The following CNTN4 variants were observed in gnomAD, a reference collection of about 807,000 sequenced individuals.
CNTN4 encodes contactin-4.
CNTN4 carries 77 observed loss-of-function variants against 122.5 expected under a neutral mutation model. The ratio of observed to expected loss-of-function variants is 0.63; its 90% CI spans 0.52 to 0.76. The LOEUF is 0.76. Among genes scored for constraint, CNTN4 ranks in the 30% least tolerant of loss-of-function variants. The pLI, the probability that CNTN4 is intolerant of heterozygous loss-of-function variation, is 0.00. For missense variants in CNTN4, 1,256 were observed against 1,259.1 expected (o/e 1.00, Z 0.04); for synonymous variants, 512 against 447.0 (o/e 1.15, Z -1.83).
intron 2 of CNTN4, among the ~76,000 whole-genome samples, chr3:2,165,793 T>G (rs2036169832): frequency 6.6e-6 from 1 of 152,172 alleles, no homozygotes; most frequent in South Asian, 2.1e-4. Flanking sequence ...GTATTTTTCT[T>G]TCTGTGCCTG....
At chr3:2,840,595 A>G (rs1305187479) in intron 7 of CNTN4, among the ~76,000 whole-genome samples, 1 of 96,318 alleles carries the variant, frequency 1.0e-5, no homozygotes, top group African/African-American at 3.1e-5. Context: ...GCTACTCGGG[A>G]GGCTGAGGCG....
At chr3:2,299,386 T>TGAATTCA (rs1258575573) in intron 2 of CNTN4, among the ~76,000 whole-genome samples, 1 of 152,084 alleles carries the variant, frequency 6.6e-6, no homozygotes, top group Non-Finnish European at 1.5e-5. Flanking sequence ...AATTATATAG[T>TGAATTCA]TGTGAATTTT....
intron 12 of CNTN4, among the ~76,000 whole-genome samples, chr3:2,905,503 T>G (rs2094220089): frequency 6.6e-6 from 1 of 152,198 alleles, no homozygotes; most frequent in Admixed American, 6.5e-5. Context: ...TTCACCCTTA[T>G]GAAGGGCTTC....
rs1171980374 is a variant in CNTN4, at chr3:2,879,970, G to A, written c.653-3175G>A. Among the ~76,000 whole-genome samples the A allele has an allele frequency of 4.6e-5, 7 of 152,306 alleles. No homozygotes were observed. The East Asian group carries it at 1.3e-3, about 29-fold the overall frequency. On this transcript the variant is annotated intron_variant, in intron 8 of 24. Coordinates refer to ENST00000418658, the MANE Select transcript of CNTN4 (RefSeq NM_175607.3). ...GCTAGAGAGTAGGGCCTACAGAGGA[G>A]AGGGAAAGGCAGGCAGTAAGTAGGT... is the stretch of plus-strand genomic sequence containing the variant.
chr3:2,422,765 T>C (rs895428026), intron 3 of CNTN4, among the ~76,000 whole-genome samples: 1 of 152,234 alleles, frequency 6.6e-6, no homozygotes, highest in African/African-American at 2.4e-5. Flanking sequence ...GCTGCTGATA[T>C]TCTGTTTCCC....
chr3:2,755,670 C>T (rs2090302495), intron 6 of CNTN4, among the ~76,000 whole-genome samples: 1 of 152,088 alleles, frequency 6.6e-6, no homozygotes, highest in Non-Finnish European at 1.5e-5. Context: ...TTTTGGTCAT[C>T]CCACAGTCCA....
At chr3:2,481,674 T>C (rs1559593631) in intron 3 of CNTN4, among the ~76,000 whole-genome samples, 1 of 152,178 alleles carries the variant, frequency 6.6e-6, no homozygotes, top group African/African-American at 2.4e-5. Context: ...TCTTGAATTG[T>C]AATCACATAA....
intron 7 of CNTN4, among the ~76,000 whole-genome samples, chr3:2,848,486 C>T (rs535470897): frequency 6.6e-6 from 1 of 152,198 alleles, no homozygotes; most frequent in Admixed American, 6.5e-5. Flanking sequence ...TTATGTAATA[C>T]TCTTCAGTGC....
intron 6 of CNTN4, among the ~76,000 whole-genome samples, chr3:2,781,476 T>G (rs1159380303): frequency 2.0e-5 from 3 of 152,238 alleles, no homozygotes; most frequent in Non-Finnish European, 4.4e-5. Flanking sequence ...ATTTGAATGT[T>G]AATATATTAA....
chr3:2,482,497 G>A lies in CNTN4; in HGVS notation c.-88-88919G>A, dbSNP rs924105461. 1.3e-5 allele frequency among the ~76,000 whole-genome samples: 2 copies of A among 152,118 alleles called. 1 individual carries two copies. The highest frequency in any genetic ancestry group is 1.3e-4 in the Admixed American group (2 of 15,278). The stretch of plus-strand genomic sequence containing the variant: ...TGCAGAAAATTCCATAAGTAATAAG[G>A]AGCTGAATATATCACCATGACAATG... On this transcript the variant is annotated intron_variant, in intron 3 of 24. Coordinates refer to ENST00000418658, the MANE Select transcript of CNTN4 (RefSeq NM_175607.3).
At chr3:2,708,780 A>G (rs955674474) in intron 4 of CNTN4, among the ~76,000 whole-genome samples, 16 of 151,978 alleles carry the variant, frequency 1.1e-4, no homozygotes, top group African/African-American at 3.6e-4. Context: ...GCCCAGAAGA[A>G]AATGATAGGA....
chr3:3,053,874 T>C lies in CNTN4; in HGVS notation c.2879T>C (p.Leu960Pro), dbSNP rs201239124. The C allele has an allele frequency of 6.2e-7, 1 of 1,614,158 alleles. No homozygotes were observed. Among genetic ancestry groups the C allele is most frequent in the Non-Finnish European group, 8.5e-7 (1 of 1,180,010 alleles). ...VIETNKTSVE[L>P]SLPFDEDYII... ...GAAACAAATAAAACATCGGTGGAGC[T>C]TTCTTTGCCTTTCGATGAAGATTAT... Residue 960 changes from leucine (L) to proline (P), a missense_variant, in exon 24 of 25, where the codon CTT (leucine) becomes CCT (proline). By Grantham distance (98) the Leu-to-Pro change is moderately conservative. Transcript: ENST00000418658.
chr3:2,606,266 A>C (rs969800401), intron 4 of CNTN4, among the ~76,000 whole-genome samples: 69 of 152,152 alleles, frequency 4.5e-4, no homozygotes, highest in African/African-American at 1.6e-3. Flanking sequence ...AAGGTTTCAA[A>C]CGGAGAACAA....
chr3:2,415,679 T>A (rs532419016), intron 3 of CNTN4, among the ~76,000 whole-genome samples: 1 of 152,308 alleles, frequency 6.6e-6, no homozygotes, highest in East Asian at 1.9e-4. Flanking sequence ...CCTATTTAAG[T>A]TTTTTTCTTT....
At position 2,350,451 on chromosome 3, in the gene CNTN4, A is replaced by G. The variant is rs528002237; in HGVS notation, c.-89+11218A>G. ...GCAGTGAAACAAAAGGAGCATCAAA[A>G]AGTACACAAGGACAGATTTGTCCTG... On this transcript the variant is annotated intron_variant, in intron 3 of 24. Transcript: ENST00000418658. 1.2e-4 allele frequency among the ~76,000 whole-genome samples: 19 copies of G among 152,340 alleles called. No individual in the cohort carries two copies. The East Asian group carries it at 3.5e-3, about 28-fold the overall frequency.
chr3:2,137,327 A>G (rs1011646005), intron 2 of CNTN4, among the ~76,000 whole-genome samples: 7 of 152,304 alleles, frequency 4.6e-5, no homozygotes, highest in African/African-American at 1.7e-4. Context: ...ATTCTAAATG[A>G]ACTAACCAGA....
At chr3:3,010,108 T>C (rs1007814104) in intron 14 of CNTN4, among the ~76,000 whole-genome samples, 1 of 152,058 alleles carries the variant, frequency 6.6e-6, no homozygotes, top group African/African-American at 2.4e-5. Context: ...CAGTTCAACC[T>C]GGTGTCCTCT....
At chr3:3,027,255 T>A (rs975358196) in intron 15 of CNTN4, among the ~76,000 whole-genome samples, 2 of 152,208 alleles carry the variant, frequency 1.3e-5, no homozygotes, top group Non-Finnish European at 2.9e-5. Context: ...TCAATGACTG[T>A]TGTCTCAGTT....
chr3:2,515,917 T>C (rs989049527), intron 3 of CNTN4, among the ~76,000 whole-genome samples: 2 of 152,022 alleles, frequency 1.3e-5, no homozygotes, highest in Non-Finnish European at 2.9e-5. Context: ...TATATATATA[T>C]ACACACACAC....
Sources: gnomAD v4.1 joint callset for allele counts (sites outside exome capture counted in the v4.1 genomes callset) on GRCh38, gnomAD v4.1.1 for gene constraint, MANE v1.5 for transcripts, NCBI Gene and HGNC (gene_info 2026-07-23, HGNC 2026-07-21) for gene names.